The following CLEC16A variants were observed in gnomAD, a reference collection of about 807,000 sequenced individuals.
CLEC16A encodes C-type lectin domain containing 16A, also known as protein CLEC16A.
A neutral mutation model predicts 109.5 loss-of-function variants in CLEC16A; 51 were observed. That is an observed-to-expected ratio of 0.47 (90% CI 0.37 to 0.59). CLEC16A has a LOEUF of 0.59. Ranked by LOEUF, CLEC16A falls within the 20% of genes least tolerant of loss-of-function variation. The probability of loss-of-function intolerance (pLI) is 0.00; values close to 1 mark genes in which losing one functional copy is unlikely to be tolerated. For synonymous variants in CLEC16A, 673 were observed against 564.2 expected (o/e 1.19, Z -2.73); for missense variants, 1,339 against 1,394.0 (o/e 0.96, Z 0.63).
At chr16:11,113,959 G>A (rs561947861) in intron 19 of CLEC16A, among the ~76,000 whole-genome samples, 61 of 152,276 alleles carry the variant, frequency 4.0e-4, no homozygotes, top group Non-Finnish European at 5.3e-4. Context: ...ATGCTAATTT[G>A]TCCTTCAAAA....
chr16:11,077,345 G>A (rs908984927), intron 19 of CLEC16A, among the ~76,000 whole-genome samples: 10 of 151,914 alleles, frequency 6.6e-5, no homozygotes, highest in Admixed American at 2.6e-4. Context: ...GGTGGCATGC[G>A]CCTGTAATCC....
At chr16:10,996,012 C>G (rs1397794003) in intron 10 of CLEC16A, among the ~76,000 whole-genome samples, 2 of 152,084 alleles carry the variant, frequency 1.3e-5, no homozygotes, top group Admixed American at 6.6e-5. Context: ...TTACCTGATG[C>G]CTCTGGCCAC....
chr16:10,972,886 C>T, intron 6 of CLEC16A, 52 bp from the exon 7 acceptor site: 11 of 1,513,038 alleles, frequency 7.3e-6, no homozygotes, highest in South Asian at 2.6e-5. Context: ...TTAATCTTCC[C>T]CAAGTTATTT....
chr16:10,957,834 A>C lies in CLEC16A; in HGVS notation c.133A>C (p.Asn45His), dbSNP rs1252394661. 13 of 1,613,834 alleles carry C rather than the reference A, an allele frequency of 8.1e-6. No homozygotes were observed. The highest frequency in any genetic ancestry group is 1.1e-5 in the Non-Finnish European group (13 of 1,179,714). Residue 45 changes from asparagine to histidine, a missense_variant, in exon 2 of 24, where the codon AAC becomes CAC. Transcript: ENST00000409790. ...KNTTVTEQNRNLLVETIRSIT... is the reference protein window; with the variant it reads ...KNTTVTEQNRHLLVETIRSIT... ...CACCACAGTCACAGAACAGAACCGGAACCTGCTAGTGGAGACCATCCGTTC... is the reference window on the plus strand; with the variant it reads ...CACCACAGTCACAGAACAGAACCGGCACCTGCTAGTGGAGACCATCCGTTC...
intron 12 of CLEC16A, among the ~76,000 whole-genome samples, chr16:11,023,203 A>T (rs2046222627): frequency 6.8e-6 from 1 of 146,900 alleles, no homozygotes; most frequent in Non-Finnish European, 1.5e-5. Context: ...CTTTTTTTCC[A>T]TCTAATATCA....
At chr16:11,135,412 A>G (rs1249643930) in intron 22 of CLEC16A, among the ~76,000 whole-genome samples, 1 of 152,186 alleles carries the variant, frequency 6.6e-6, no homozygotes, top group African/African-American at 2.4e-5. Context: ...CTTTCCCAAT[A>G]GACACAGTAG....
At chr16:10,977,506 T>G (rs964561831) in intron 8 of CLEC16A, 107 bp downstream of exon 8, 150 of 862,990 alleles carry the variant, frequency 1.7e-4, no homozygotes, top group African/African-American at 1.1e-3. Flanking sequence ...AGGACTGAGG[T>G]TTTTTTTTTG....
intron 13 of CLEC16A, 136 bp downstream of exon 13, chr16:11,025,057 G>A: frequency 4.6e-6 from 3 of 648,978 alleles, no homozygotes; most frequent in Admixed American, 2.5e-5. Flanking sequence ...GTCCTTTTTG[G>A]TTTTGACTCC....
At chr16:11,151,121 T>C (rs1187938933) in intron 22 of CLEC16A, among the ~76,000 whole-genome samples, 1 of 152,196 alleles carries the variant, frequency 6.6e-6, no homozygotes, top group Non-Finnish European at 1.5e-5. Context: ...GGGGACACAG[T>C]GAAACACAAA....
At chr16:11,073,862 A>G (rs2049204241) in intron 19 of CLEC16A, among the ~76,000 whole-genome samples, 1 of 152,254 alleles carries the variant, frequency 6.6e-6, no homozygotes, top group Non-Finnish European at 1.5e-5. Flanking sequence ...GTAATTATTC[A>G]TAAACACTGA....
intron 22 of CLEC16A, chr16:11,150,233 G>A (rs1176307508): frequency 6.6e-6 from 1 of 152,222 alleles, no homozygotes; most frequent in Non-Finnish European, 1.5e-5. Context: ...TCTGGCCACA[G>A]AGGTTTAGGA....
At chr16:10,948,041 C>G (rs1008511391) in intron 1 of CLEC16A, among the ~76,000 whole-genome samples, 5 of 152,114 alleles carry the variant, frequency 3.3e-5, no homozygotes, top group East Asian at 3.9e-4. Context: ...CTACAGGCGC[C>G]CGCCACCACG....
At chr16:11,176,478 G>A (rs1453898853) in intron 23 of CLEC16A, among the ~76,000 whole-genome samples, 1 of 152,084 alleles carries the variant, frequency 6.6e-6, no homozygotes, top group Non-Finnish European at 1.5e-5. Context: ...TCACACCTGT[G>A]CACATCCCAG....
At chr16:10,958,695 G>C (rs1307243149) in intron 2 of CLEC16A, among the ~76,000 whole-genome samples, 2 of 152,136 alleles carry the variant, frequency 1.3e-5, no homozygotes, top group African/African-American at 2.4e-5. Context: ...CTTGAGCCCA[G>C]GAGTTTGAGA....
chr16:10,984,354 G>T (rs939336937), intron 10 of CLEC16A, among the ~76,000 whole-genome samples: 1 of 152,172 alleles, frequency 6.6e-6, no homozygotes, highest in African/African-American at 2.4e-5. Flanking sequence ...ATTGATTGGG[G>T]CCTTTTCATG....
Position 11,178,382 on chromosome 16 carries a change from T to C in CLEC16A, c.2854T>C (p.Leu952=). 3 of 1,613,798 alleles carry C rather than the reference T, an allele frequency of 1.9e-6. No individual in the cohort carries two copies. The East Asian group carries it at 6.7e-5, about 36-fold the overall frequency. Reference sequence around the variant, plus strand: ...GCCTAAGCCTCACCTTCCTGACCAGTTGGTAATCGTCAACGAAACGGAAGC... The same window carrying C: ...GCCTAAGCCTCACCTTCCTGACCAGCTGGTAATCGTCAACGAAACGGAAGC... ...ELPKPHLPDQ[L]VIVNETEADS... The change falls in exon 24 of 24, where the codon TTG becomes CTG. Residue 952 remains leucine (L), a synonymous_variant. Coordinates refer to ENST00000409790, the MANE Select transcript of CLEC16A (RefSeq NM_015226.3). This position sits in a 1 kb window ranked among gnomAD's most constrained non-coding sequence, Gnocchi z 6.5.
At position 11,059,024 on chromosome 16, in the gene CLEC16A, C is replaced by T. The variant is rs1567259123; in HGVS notation, c.1996-1878C>T. 3.9e-5 allele frequency among the ~76,000 whole-genome samples: 6 copies of T among 152,284 alleles called. No individual in the cohort carries two copies. In the South Asian group the frequency reaches 1.2e-3, roughly 32 times the overall value. On this transcript the variant is annotated intron_variant, in intron 18 of 23. Transcript: ENST00000409790. ...GGACTGCCATGGATGTTTAAGTTTC[C>T]TGGTGCACTTGGTTAAGTGACACAC...
chr16:11,125,202 C>G (rs2052719333), intron 21 of CLEC16A, among the ~76,000 whole-genome samples: 1 of 152,204 alleles, frequency 6.6e-6, no homozygotes, highest in African/African-American at 2.4e-5. Context: ...TCTCACTTAG[C>G]TGAAACTTGG....
At chr16:11,125,921 T>TCC in intron 21 of CLEC16A, 58 bp from the exon 22 acceptor site, 1 of 193,870 alleles carries the variant, frequency 5.2e-6, no homozygotes, top group Non-Finnish European at 8.9e-6. Context: ...CCCCAAATTC[T>TCC]CACCACCCCC....
Sources: allele counts gnomAD v4.1 joint callset (sites outside exome capture counted in the v4.1 genomes callset), GRCh38; gene constraint gnomAD v4.1.1; non-coding constraint Gnocchi (gnomAD v3.1); transcripts MANE v1.5; gene names NCBI Gene and HGNC (gene_info 2026-07-23, HGNC 2026-07-21).